LPP: variants seen among roughly 807,000 people sequenced by gnomAD.
The protein encoded by LPP is LIM domain containing preferred translocation partner in lipoma, also known as lipoma-preferred partner.
Under a neutral mutation model 60.4 loss-of-function variants are expected in LPP, and 38 were observed. The ratio of observed to expected loss-of-function variants is 0.63; its 90% CI spans 0.49 to 0.83. The LOEUF (loss-of-function observed/expected upper bound fraction) is 0.83. LPP is among the 40% of genes least tolerant of loss of function. LPP has a pLI of 0.00. For synonymous variants in LPP, 328 were observed against 290.8 expected (o/e 1.13, Z -1.30); for missense variants, 902 against 783.6 (o/e 1.15, Z -1.80).
intron 2 of LPP, among the ~76,000 whole-genome samples, chr3:188,296,410 G>A (rs1747896279): frequency 6.6e-6 from 1 of 152,312 alleles, no homozygotes; most frequent in African/African-American, 2.4e-5. Context: ...TGGGAAGGTA[G>A]TTCTAGGCTG....
intron 2 of LPP, among the ~76,000 whole-genome samples, chr3:188,273,865 G>C (rs6790186): frequency 0.46 from 69,409 of 151,280 alleles, 16,156 homozygotes; most frequent in Middle Eastern, 0.6. Flanking sequence ...CAAAGTGCTG[G>C]ATTACAAGTG....
chr3:188,399,023 C>T (rs1264095901), intron 3 of LPP, among the ~76,000 whole-genome samples: 3 of 152,162 alleles, frequency 2.0e-5, no homozygotes, highest in Non-Finnish European at 2.9e-5. Flanking sequence ...CTTTACTTGG[C>T]GTTGGCTACT....
Position 188,162,368 on chromosome 3 carries a change from T to C in LPP, c.-190+8116T>C, listed in dbSNP as rs565891570. ...TCTCCAAAACTCCTGTCTTGTTCCT[T>C]AACTTTTGCAAATGAGCATAGTTGA... On this transcript the variant is annotated intron_variant, in intron 1 of 11. Transcript: ENST00000617246. Among the ~76,000 whole-genome samples, 10 of 152,306 alleles carry C rather than the reference T, an allele frequency of 6.6e-5. No homozygotes were observed. The South Asian group carries it at 2.1e-3, about 32-fold the overall frequency.
intron 1 of LPP, among the ~76,000 whole-genome samples, chr3:188,181,446 A>G (rs886259814): frequency 7.2e-5 from 11 of 152,064 alleles, no homozygotes; most frequent in African/African-American, 2.4e-4. Flanking sequence ...GTATCTGTGT[A>G]TCTATCTTTC....
At chr3:188,456,654 T>C (rs1197806424) in intron 4 of LPP, among the ~76,000 whole-genome samples, 2 of 152,234 alleles carry the variant, frequency 1.3e-5, no homozygotes, top group Non-Finnish European at 2.9e-5. Context: ...TTGCCACTGA[T>C]GGCAGAGTCA....
At chr3:188,387,350 TGAC>T (rs1032765450) in intron 3 of LPP, among the ~76,000 whole-genome samples, 38 of 152,178 alleles carry the variant, frequency 2.5e-4, no homozygotes, top group African/African-American at 8.7e-4. Context: ...GTGTATCTCT[TGAC>T]ATCATACATT....
chr3:188,357,468 A>G (rs1469954637), intron 3 of LPP, among the ~76,000 whole-genome samples: 1 of 150,162 alleles, frequency 6.7e-6, no homozygotes, highest in East Asian at 2.0e-4. Context: ...AAATTTAAAG[A>G]CTTGAGCACC....
At chr3:188,633,342 T>G (rs1848176489) in intron 7 of LPP, among the ~76,000 whole-genome samples, 1 of 152,214 alleles carries the variant, frequency 6.6e-6, no homozygotes, top group African/African-American at 2.4e-5. Context: ...TGTCAAAGCT[T>G]CTATCACTCT....
chr3:188,466,274 A>T (rs1800349886), intron 4 of LPP, among the ~76,000 whole-genome samples: 1 of 152,136 alleles, frequency 6.6e-6, no homozygotes, highest in East Asian at 1.9e-4. Context: ...CTGGAGAATT[A>T]TTTTTAAGTA....
chr3:188,535,584 A>G (rs1198744278), intron 6 of LPP, among the ~76,000 whole-genome samples: 1 of 152,176 alleles, frequency 6.6e-6, no homozygotes, highest in African/African-American at 2.4e-5. Context: ...AAGAACATGT[A>G]TTTGCATTAA....
At chr3:188,442,362 G>A (rs1794217702) in intron 4 of LPP, among the ~76,000 whole-genome samples, 1 of 152,138 alleles carries the variant, frequency 6.6e-6, no homozygotes, top group African/African-American at 2.4e-5. Flanking sequence ...TTGTGAGTGA[G>A]AACATGCGGT....
chr3:188,320,602 T>C (rs1265947580), intron 2 of LPP, among the ~76,000 whole-genome samples: 1 of 152,198 alleles, frequency 6.6e-6, no homozygotes, highest in Non-Finnish European at 1.5e-5. Flanking sequence ...TTAGTGGATG[T>C]CAGCCATTCA....
intron 6 of LPP, among the ~76,000 whole-genome samples, chr3:188,586,729 A>G (rs1580188013): frequency 2.1e-5 from 1 of 47,552 alleles, no homozygotes; most frequent in Non-Finnish European, 4.3e-5. Context: ...GTCCTTAAAC[A>G]TTGTTTTTTT....
chr3:188,298,640 T>C (rs1231286005), intron 2 of LPP, among the ~76,000 whole-genome samples: 1 of 152,180 alleles, frequency 6.6e-6, no homozygotes, highest in Admixed American at 6.5e-5. Flanking sequence ...AAGTGAAAGC[T>C]TTCTGAAAAG....
chr3:188,665,352 A>G, intron 7 of LPP, among the ~76,000 whole-genome samples: 1 of 152,180 alleles, frequency 6.6e-6, no homozygotes, highest in East Asian at 1.9e-4. Context: ...GTTTCCATAA[A>G]TCACTTTGTT....
At chr3:188,337,015 G>A (rs1761843670) in intron 2 of LPP, among the ~76,000 whole-genome samples, 1 of 152,164 alleles carries the variant, frequency 6.6e-6, no homozygotes, top group Admixed American at 6.5e-5. Flanking sequence ...AGTGGCCAAT[G>A]TACTGTTTTC....
At chr3:188,657,258 GTA>G (rs148151207) in intron 7 of LPP, among the ~76,000 whole-genome samples, 4,806 of 89,824 alleles carry the variant, frequency 0.054, 423 homozygotes, top group African/African-American at 0.19. Flanking sequence ...CTGTCAAGGT[GTA>G]TATATATATA....
chr3:188,271,194 A>G (rs930609917), intron 2 of LPP, among the ~76,000 whole-genome samples: 5 of 152,196 alleles, frequency 3.3e-5, no homozygotes, highest in Admixed American at 1.3e-4. Context: ...TCTTCAATTG[A>G]CAGATTATTT....
rs1164285649 is a variant in LPP at position 188,880,749 on chromosome 3, C to T, written c.*6270C>T. 1.1e-5 allele frequency: 2 copies of T among 184,004 alleles called. No individual in the cohort carries two copies. Among genetic ancestry groups the T allele is most frequent in the East Asian group, 1.8e-4 (2 of 11,368 alleles). The allele number at this position is 184,004 out of a possible 1,614,324, so 11.4% of individuals were successfully genotyped here. ...TGGCACTGAATGTAGCTTCTAAAAT[C>T]AGTTCTCTACCCTACGAATGGAATG... On this transcript the variant is annotated 3_prime_UTR_variant, in exon 12 of 12. Coordinates refer to ENST00000617246, the MANE Select transcript of LPP (RefSeq NM_001375462.1).
Sources: gnomAD v4.1 joint callset for allele counts (sites outside exome capture counted in the v4.1 genomes callset) on GRCh38, gnomAD v4.1.1 for gene constraint, MANE v1.5 for transcripts, NCBI Gene and HGNC (gene_info 2026-07-23, HGNC 2026-07-21) for gene names.